NCAPG2: variants seen among roughly 807,000 people sequenced by gnomAD.
NCAPG2 encodes the protein condensin-2 complex subunit G2.
A neutral mutation model predicts 141.1 loss-of-function variants in NCAPG2; 53 were observed. The ratio of observed to expected loss-of-function variants is 0.38; its 90% confidence interval spans 0.30 to 0.47. The LOEUF (loss-of-function observed/expected upper bound fraction) is 0.47, where lower values mean the gene tolerates loss of function less well. Among genes scored for constraint, NCAPG2 ranks in the 20% least tolerant of loss-of-function variants. NCAPG2 has a pLI of 0.99. For missense variants in NCAPG2, 1,087 were observed against 1,389.0 expected, an observed-to-expected ratio of 0.78 and a Z score of 3.46; for synonymous variants, 499 against 490.7, an observed-to-expected ratio of 1.02 and a Z score of -0.22.
chr7:158,696,080 G>C (rs1211737024), intron 2 of NCAPG2: 3 of 152,266 alleles, frequency 2.0e-5, no homozygotes, highest in East Asian at 3.8e-4. Flanking sequence ...AAACTTGGTA[G>C]CATAAAGCAA....
intron 10 of NCAPG2, 107 bp from the exon 11 acceptor site, chr7:158,680,192 T>C: frequency 7.9e-7 from 1 of 1,260,844 alleles, no homozygotes. Context: ...TACAGATTTA[T>C]TTTCAAATTA....
In NCAPG2 at chr7:158,634,865, G is replaced by GA. The variant is rs1830088152; in HGVS notation, c.3381-3149dup. Among the ~76,000 whole-genome samples, 3 of 152,246 alleles carry GA rather than the reference G, an allele frequency of 2.0e-5. No homozygotes were observed. In the South Asian group the frequency reaches 6.2e-4, roughly 32 times the overall value. On this transcript the variant is annotated intron_variant, in intron 27 of 27. Transcript: ENST00000356309. ...AACAAATGAAGAAAACAAAATGAAG[G>GA]AATTTTAAAGTTGGAAGGGACAGTG...
chr7:158,655,673 G>GCACCACCCGTC (rs1831865948), intron 19 of NCAPG2, among the ~76,000 whole-genome samples: 18 of 2,670 alleles, frequency 6.7e-3, no homozygotes, highest in Non-Finnish European at 8.6e-3. Context: ...ACCGTCCACA[G>GCACCACCCGTC]CCCTTGCCCT....
chr7:158,643,988 T>C (rs977874142), intron 27 of NCAPG2, among the ~76,000 whole-genome samples: 1 of 152,182 alleles, frequency 6.6e-6, no homozygotes, highest in Non-Finnish European at 1.5e-5. Context: ...GTTTCAATAA[T>C]GCAGCAACCA....
intron 21 of NCAPG2, 113 bp downstream of exon 21, chr7:158,655,002 TAAG>T: frequency 8.1e-6 from 2 of 245,566 alleles, no homozygotes; most frequent in Non-Finnish European, 1.2e-5. Flanking sequence ...AATGTCCCTG[TAAG>T]TTTTTAAGAA....
In NCAPG2 at chr7:158,654,921, T is replaced by C. The variant is rs3214001; in HGVS notation, c.2646+197A>G. 1,885 of 1,109,816 alleles carry C rather than the reference T, an allele frequency of 1.7e-3. 88 individuals carry two copies. In the East Asian group the frequency reaches 0.049, roughly 29 times the overall value. The allele number at this position is 1,109,816 out of a possible 1,614,324, so 68.7% of individuals were successfully genotyped here. On this transcript the variant is annotated intron_variant, in intron 21 of 27. Coordinates refer to ENST00000356309, the MANE Select transcript of NCAPG2 (RefSeq NM_017760.7). ...CAAACATAATCGAACACCTCTTATATGTAATGTATAAAATTACACTGAAAG... is the reference window on the plus strand; with the variant it reads ...CAAACATAATCGAACACCTCTTATACGTAATGTATAAAATTACACTGAAAG...
chr7:158,680,676 C>T (rs746516689), intron 10 of NCAPG2, 45 bp downstream of exon 10: 2 of 1,292,954 alleles, frequency 1.5e-6, no homozygotes. Flanking sequence ...TTCAAAAGCA[C>T]AAGTAGTACA....
At chr7:158,655,308 C>T (rs1831825434) in intron 20 of NCAPG2, 31 bp downstream of exon 20, 2 of 1,614,122 alleles carry the variant, frequency 1.2e-6, no homozygotes, top group Middle Eastern at 1.6e-4. Flanking sequence ...CACTGTGTAT[C>T]ATCCTAATAG....
Position 158,690,552 on chromosome 7 carries a change from T to C in NCAPG2, c.537+16A>G. On this transcript the variant is annotated intron_variant, in intron 5 of 27. Transcript: ENST00000356309. ...GAGAGAGACCCTGTCTTTAAAAAAA[T>C]AAAAAGTGAGCATACTGTCTTAGTC... is the stretch of plus-strand genomic sequence containing the variant. 6.2e-7 allele frequency: 1 copy of C among 1,610,504 alleles called. No individual in the cohort carries two copies. Among genetic ancestry groups the C allele is most frequent in the Non-Finnish European group, 8.5e-7 (1 of 1,177,212 alleles).
At chr7:158,645,762 T>C (rs1830966386) in intron 25 of NCAPG2, 143 bp from the exon 26 acceptor site, 2 of 679,204 alleles carry the variant, frequency 2.9e-6, no homozygotes, top group Admixed American at 2.4e-5. Context: ...CACCCCATGC[T>C]TTTCATGGAG....
In NCAPG2 at chr7:158,693,409, T is replaced by G; in HGVS notation, c.167A>C (p.Asn56Thr). The change falls in exon 3 of 28, where the codon AAT becomes ACT. Residue 56 changes from asparagine (N) to threonine (T), a missense_variant. Asn to Thr is a moderately conservative substitution (Grantham distance 65, BLOSUM62 0). Transcript: ENST00000356309. Reference protein sequence around the residue: ...QKEELWQRLKNLLTDVLLESP... With the variant: ...QKEELWQRLKTLLTDVLLESP... ...TTCTAACAACACATCTGTCAATAAA[T>G]TCTTCAGCCTTTGCCATAATTCTTC... 2.5e-6 allele frequency: 4 copies of G among 1,614,114 alleles called. No individual in the cohort carries two copies. Among genetic ancestry groups the G allele is most frequent in the Non-Finnish European group, 2.5e-6 (3 of 1,179,934 alleles).
chr7:158,662,466 G>T, intron 15 of NCAPG2, 99 bp from the exon 16 acceptor site: 1 of 1,079,384 alleles, frequency 9.3e-7, no homozygotes. Flanking sequence ...AAAATGTAGA[G>T]AACATCCGTC....
In NCAPG2 at chr7:158,631,696, T is replaced by A. The variant is rs369270181; in HGVS notation, c.3402A>T (p.Ser1134=). The A allele has an allele frequency of 2.5e-6, 4 of 1,601,594 alleles. No individual in the cohort carries two copies. Among genetic ancestry groups the A allele is most frequent in the Non-Finnish European group, 3.4e-6 (4 of 1,169,106 alleles). Residue 1134 remains serine (S), a synonymous_variant, in exon 28 of 28, where the codon TCA becomes TCT. Transcript: ENST00000356309. ...AATTCAAAAGTTCTCCCAGAGTTCT[T>A]GATGATGATTCATAGAGAAATCTGA... The part of the protein sequence containing the change: ...SIERFLYESS[S]RTLGELLNS
chr7:158,691,173 A>T (rs982810861), intron 4 of NCAPG2, among the ~76,000 whole-genome samples: 1 of 152,242 alleles, frequency 6.6e-6, no homozygotes, highest in Non-Finnish European at 1.5e-5. Context: ...CAAAGCAATT[A>T]CCATAATGAA....
At position 158,637,412 on chromosome 7, in the gene NCAPG2, GGGGAAGGA is replaced by G. The variant is rs1042163413; in HGVS notation, c.3381-5703_3381-5696del. Among the ~76,000 whole-genome samples, 5 of 81,018 alleles carry G rather than the reference GGGGAAGGA, an allele frequency of 6.2e-5. No homozygotes were observed. In the East Asian group the frequency reaches 1.9e-3, roughly 31 times the overall value. 53.2% of individuals were successfully genotyped at this position (81,018 alleles called of 152,430 possible). A position where few individuals can be genotyped will look rare whatever the true frequency, so the allele number is the denominator to read the frequency against. ...CACCGTGGGGTGCTGGAAGGTCACT[GGGGAAGGA>G]GGGGACTTTCTCCAGGTTTCCGTAA... On this transcript the variant is annotated intron_variant, in intron 27 of 27. Transcript: ENST00000356309.
intron 22 of NCAPG2, among the ~76,000 whole-genome samples, chr7:158,652,929 AT>A (rs1831591935): frequency 1.3e-5 from 2 of 152,342 alleles, no homozygotes; most frequent in South Asian, 2.1e-4. Context: ...CAAAAAGTAA[AT>A]TTTTTAAATA....
chr7:158,701,183 A>G (rs999367959), intron 2 of NCAPG2, among the ~76,000 whole-genome samples: 1 of 152,186 alleles, frequency 6.6e-6, no homozygotes, highest in Non-Finnish European at 1.5e-5. Flanking sequence ...TCAGTCCAAT[A>G]GTGCCATCAC....
chr7:158,673,173 A>G (rs539501737), intron 12 of NCAPG2, among the ~76,000 whole-genome samples: 6 of 152,280 alleles, frequency 3.9e-5, no homozygotes, highest in Non-Finnish European at 8.8e-5. Context: ...AAGCAAGAAC[A>G]GCACGCAAGT....
chr7:158,695,489 G>C (rs1402633401), intron 2 of NCAPG2, among the ~76,000 whole-genome samples: 3 of 152,190 alleles, frequency 2.0e-5, no homozygotes, highest in Non-Finnish European at 2.9e-5. Flanking sequence ...AGTGAGAGAG[G>C]TTCCAGTAAC....
Sources: gnomAD v4.1 joint callset for allele counts (sites outside exome capture counted in the v4.1 genomes callset) on GRCh38, gnomAD v4.1.1 for gene constraint, MANE v1.5 for transcripts, NCBI Gene and HGNC (gene_info 2026-07-23, HGNC 2026-07-21) for gene names.